Variants in HSDL2 observed in about 807,000 individuals in gnomAD.
HSDL2 encodes hydroxysteroid dehydrogenase like 2.
Under a neutral mutation model 46.3 loss-of-function variants are expected in HSDL2, and 27 were observed. The ratio of observed to expected loss-of-function variants is 0.58; its 90% CI spans 0.43 to 0.80. The LOEUF (loss-of-function observed/expected upper bound fraction) is 0.80, where lower values mean the gene tolerates loss of function less well. Ranked by LOEUF, HSDL2 falls within the 30% of genes least tolerant of loss-of-function variation. HSDL2 has a pLI of 0.00. For missense variants in HSDL2, 451 were observed against 502.7 expected, an observed-to-expected ratio of 0.90 and a Z score of 0.98; for synonymous variants, 153 against 163.6, an observed-to-expected ratio of 0.94 and a Z score of 0.50.
At position 112,458,947 on chromosome 9, in the gene HSDL2, C is replaced by T. The variant is rs367563977; in HGVS notation, c.1016-502C>T. On this transcript the variant is annotated intron_variant, in intron 9 of 10. Coordinates refer to ENST00000398805, the MANE Select transcript of HSDL2 (RefSeq NM_032303.5). Reference sequence around the variant, plus strand: ...AGTGAGCCGAGATCGCGCCACTGCACTCCAGCCTGGGCGACAGAGCTAGAC... The same window carrying T: ...AGTGAGCCGAGATCGCGCCACTGCATTCCAGCCTGGGCGACAGAGCTAGAC... Among the ~76,000 whole-genome samples, 446 of 151,990 alleles carry T rather than the reference C, an allele frequency of 2.9e-3. 4 individuals carry two copies. Among genetic ancestry groups the T allele is most frequent in the Middle Eastern group, 0.014 (4 of 294 alleles).
intron 4 of HSDL2, among the ~76,000 whole-genome samples, chr9:112,411,073 G>T (rs942224059): frequency 6.6e-6 from 1 of 152,172 alleles, no homozygotes; most frequent in African/African-American, 2.4e-5. Flanking sequence ...TGAGTGGCAG[G>T]GTTATCAACT....
At chr9:112,397,790 A>C (rs1164729443) in intron 1 of HSDL2, among the ~76,000 whole-genome samples, 1 of 152,204 alleles carries the variant, frequency 6.6e-6, no homozygotes, top group Non-Finnish European at 1.5e-5. Flanking sequence ...AAATGACCTC[A>C]GTACAAAGAG....
rs1348349107 is a variant in HSDL2, at chr9:112,470,286, C to T, written c.1145-146C>T. The T allele has an allele frequency of 1.0e-5, 5 of 486,106 alleles. No individual in the cohort carries two copies. The East Asian group carries it at 1.7e-4, about 16-fold the overall frequency. The allele number at this position is 486,106 out of a possible 1,614,324, so 30.1% of individuals were successfully genotyped here. On this transcript the variant is annotated intron_variant, in intron 10 of 10. Transcript: ENST00000398805. Reference sequence around the variant, plus strand: ...TCTAGGAATTGGGATTCCCAAGATACTGATATAAAATGCTGTAACAGAAAT... The same window carrying T: ...TCTAGGAATTGGGATTCCCAAGATATTGATATAAAATGCTGTAACAGAAAT...
At chr9:112,465,856 C>G (rs986427710) in intron 10 of HSDL2, among the ~76,000 whole-genome samples, 11 of 152,174 alleles carry the variant, frequency 7.2e-5, no homozygotes, top group Non-Finnish European at 1.6e-4. Flanking sequence ...CATTCATATA[C>G]AAGTTTCTAT....
chr9:112,442,146 G>A (rs1832652268), intron 8 of HSDL2, among the ~76,000 whole-genome samples: 1 of 151,666 alleles, frequency 6.6e-6, no homozygotes, highest in African/African-American at 2.4e-5. Context: ...GCACGAGACT[G>A]TAGTCCCAGC....
intron 1 of HSDL2, among the ~76,000 whole-genome samples, chr9:112,381,721 G>A (rs906316087): frequency 2.0e-5 from 3 of 152,064 alleles, no homozygotes; most frequent in Non-Finnish European, 4.4e-5. Context: ...AAAATGCTTG[G>A]TTCCAGACGT....
At chr9:112,410,264 A>T (rs1831830802) in intron 4 of HSDL2, among the ~76,000 whole-genome samples, 1 of 152,246 alleles carries the variant, frequency 6.6e-6, no homozygotes, top group Non-Finnish European at 1.5e-5. Context: ...CCATGTGGAT[A>T]TCAGGATACA....
At chr9:112,387,991 T>C (rs1445273686) in intron 1 of HSDL2, among the ~76,000 whole-genome samples, 1 of 151,788 alleles carries the variant, frequency 6.6e-6, no homozygotes, top group East Asian at 1.9e-4. Flanking sequence ...AGACCCTGTC[T>C]CCACAAAAAA....
chr9:112,383,350 G>A (rs980218009), intron 1 of HSDL2, among the ~76,000 whole-genome samples: 8 of 152,100 alleles, frequency 5.3e-5, no homozygotes, highest in African/African-American at 1.9e-4. Flanking sequence ...TGGGATTACA[G>A]GTGTGAGCCA....
chr9:112,454,530 G>A (rs114378336), intron 9 of HSDL2, among the ~76,000 whole-genome samples: 311 of 152,128 alleles, frequency 2.0e-3, no homozygotes, highest in African/African-American at 7.0e-3. Flanking sequence ...TACTCCCAGT[G>A]TTATATAACT....
chr9:112,394,858 C>T (rs965545662), intron 1 of HSDL2, among the ~76,000 whole-genome samples: 4 of 152,174 alleles, frequency 2.6e-5, no homozygotes, highest in African/African-American at 9.7e-5. Context: ...TCATCTGTAG[C>T]TCCAGGCATA....
At chr9:112,434,221 C>T (rs1195517809) in intron 6 of HSDL2, 2 of 152,254 alleles carry the variant, frequency 1.3e-5, no homozygotes, top group African/African-American at 4.8e-5. Flanking sequence ...GGAAAGTCCA[C>T]TTTTGGGTGG....
intron 6 of HSDL2, 29 bp from the exon 7 acceptor site, chr9:112,438,402 G>T: frequency 6.9e-7 from 1 of 1,440,384 alleles, no homozygotes; most frequent in Non-Finnish European, 9.3e-7. Flanking sequence ...GGAGTTATGA[G>T]TGTATGTGTG....
chr9:112,396,628 C>T (rs921747026), intron 1 of HSDL2, among the ~76,000 whole-genome samples: 2 of 152,108 alleles, frequency 1.3e-5, no homozygotes, highest in African/African-American at 4.8e-5. Context: ...CAGTATGAAC[C>T]GTGATTCCTT....
chr9:112,426,425 A>G (rs907066841), intron 6 of HSDL2, among the ~76,000 whole-genome samples: 2 of 152,018 alleles, frequency 1.3e-5, no homozygotes, highest in Non-Finnish European at 2.9e-5. Flanking sequence ...TAGTAGAGAC[A>G]GGGTTTCGCC....
At position 112,470,931 on chromosome 9, in the gene HSDL2, T is replaced by A. The variant is rs147299368; in HGVS notation, c.*387T>A. On this transcript the variant is annotated 3_prime_UTR_variant, in exon 11 of 11. Coordinates refer to ENST00000398805, the MANE Select transcript of HSDL2 (RefSeq NM_032303.5). ...CTGTTTTAAAATTTTTAGTTTTGGA[T>A]TGTATACTAATGAAAATCTTAATGA... 44 of 153,964 alleles carry A rather than the reference T, an allele frequency of 2.9e-4. No homozygotes were observed. The East Asian group carries it at 7.6e-3, about 27-fold the overall frequency. The allele number at this position is 153,964 out of a possible 1,614,324, so 9.5% of individuals were successfully genotyped here. A position where few individuals can be genotyped will look rare whatever the true frequency, so the allele number is the denominator to read the frequency against.
intron 6 of HSDL2, 36 bp from the exon 7 acceptor site, chr9:112,438,395 G>A (rs1263615681): frequency 7.5e-7 from 1 of 1,325,304 alleles, no homozygotes; most frequent in Non-Finnish European, 1.0e-6. Flanking sequence ...TTGATTTGGA[G>A]TTATGAGTGT....
chr9:112,430,254 G>T (rs925866200), intron 6 of HSDL2, among the ~76,000 whole-genome samples: 1 of 152,112 alleles, frequency 6.6e-6, no homozygotes, highest in African/African-American at 2.4e-5. Context: ...GTTAGCCAAA[G>T]GTTATCTGAG....
At chr9:112,399,208 G>GTC (rs1184878399) in intron 1 of HSDL2, among the ~76,000 whole-genome samples, 1 of 152,150 alleles carries the variant, frequency 6.6e-6, no homozygotes, top group African/African-American at 2.4e-5. Context: ...GGCTGCCGGG[G>GTC]GTGACATCAC....
Sources: allele counts gnomAD v4.1 joint callset (sites outside exome capture counted in the v4.1 genomes callset), GRCh38; gene constraint gnomAD v4.1.1; transcripts MANE v1.5; gene names NCBI Gene and HGNC (gene_info 2026-07-23, HGNC 2026-07-21).